The following ADGRB3 variants were observed in gnomAD, a reference collection of about 807,000 sequenced individuals.
The protein encoded by ADGRB3 is adhesion G protein-coupled receptor B3, also known as brain-specific angiogenesis inhibitor 3.
In ADGRB3, 37 loss-of-function variants were observed where a neutral mutation model predicts 193.4. The ratio of observed to expected loss-of-function variants is 0.19; its 90% confidence interval spans 0.15 to 0.25. The LOEUF (loss-of-function observed/expected upper bound fraction) is 0.25, where lower values mean the gene tolerates loss of function less well. Ranked by LOEUF, ADGRB3 falls within the 10% of genes least tolerant of loss-of-function variation. The probability of loss-of-function intolerance (pLI) is 1.00; values close to 1 mark genes in which losing one functional copy is unlikely to be tolerated. For synonymous variants in ADGRB3, 690 were observed against 644.2 expected, an observed-to-expected ratio of 1.07 and a Z score of -1.08; for missense variants, 1,637 against 1,852.9, an observed-to-expected ratio of 0.88 and a Z score of 2.14.
chr6:68,833,835 T>A (rs1284494311), intron 3 of ADGRB3, among the ~76,000 whole-genome samples: 2 of 151,906 alleles, frequency 1.3e-5, no homozygotes, highest in Admixed American at 6.6e-5. Context: ...CAAACAAATA[T>A]ATTTTTCTGG....
intron 24 of ADGRB3, 66 bp downstream of exon 24, chr6:69,333,074 A>G: frequency 6.6e-7 from 1 of 1,523,470 alleles, no homozygotes. Flanking sequence ...ATTTCAGACC[A>G]TCACTGACTG....
At chr6:69,257,181 C>T (rs1348329216) in intron 20 of ADGRB3, among the ~76,000 whole-genome samples, 1 of 152,176 alleles carries the variant, frequency 6.6e-6, no homozygotes, top group South Asian at 2.1e-4. Flanking sequence ...GGTTGTGTCT[C>T]TGCCCAGCTT....
intron 17 of ADGRB3, among the ~76,000 whole-genome samples, chr6:69,115,665 G>C (rs1021856094): frequency 6.6e-6 from 1 of 152,094 alleles, no homozygotes; most frequent in African/African-American, 2.4e-5. Flanking sequence ...AATTAAAATG[G>C]ATCATATACA....
intron 3 of ADGRB3, among the ~76,000 whole-genome samples, chr6:68,653,423 C>T (rs1768417809): frequency 6.6e-6 from 1 of 151,940 alleles, no homozygotes; most frequent in African/African-American, 2.4e-5. Context: ...TTCTGTAATC[C>T]AGATGTAATA....
intron 3 of ADGRB3, among the ~76,000 whole-genome samples, chr6:68,766,611 T>A (rs1766511593): frequency 6.6e-6 from 1 of 152,092 alleles, no homozygotes; most frequent in Non-Finnish European, 1.5e-5. Flanking sequence ...ACTTGATTTA[T>A]GTTTTCTTGA....
chr6:68,849,712 A>G (rs927475152), intron 3 of ADGRB3, among the ~76,000 whole-genome samples: 1 of 151,924 alleles, frequency 6.6e-6, no homozygotes, highest in Non-Finnish European at 1.5e-5. Flanking sequence ...TCTCTATGCA[A>G]ATATACAGAT....
intron 20 of ADGRB3, among the ~76,000 whole-genome samples, chr6:69,256,090 G>T (rs1012942999): frequency 2.6e-5 from 4 of 151,590 alleles, no homozygotes; most frequent in East Asian, 3.9e-4. Flanking sequence ...GTACCATGCT[G>T]TTTTGGTTAC....
At chr6:68,702,580 G>C (rs997507831) in intron 3 of ADGRB3, among the ~76,000 whole-genome samples, 2 of 152,090 alleles carry the variant, frequency 1.3e-5, no homozygotes, top group Non-Finnish European at 2.9e-5. Context: ...GATCAGTTTC[G>C]CTGCTCTACA....
intron 13 of ADGRB3, among the ~76,000 whole-genome samples, chr6:69,041,130 T>C (rs1771056268): frequency 1.3e-5 from 2 of 152,184 alleles, no homozygotes; most frequent in African/African-American, 4.8e-5. Context: ...TGGCTACATG[T>C]TACTCTCCAG....
chr6:68,975,214 C>T lies in ADGRB3; in HGVS notation c.1628-20C>T, dbSNP rs1332805019. The T allele has an allele frequency of 1.3e-6, 2 of 1,598,724 alleles. No homozygotes were observed. The highest frequency in any genetic ancestry group is 2.2e-5 in the South Asian group (2 of 90,736). On this transcript the variant is annotated intron_variant, in intron 9 of 31. Transcript: ENST00000370598. ...AACATCCCTATTATAAAGCTTCTCT[C>T]TGTTCTTTGTGACACACAGGCACCA...
chr6:69,175,789 T>C (rs1159651616), intron 17 of ADGRB3, among the ~76,000 whole-genome samples: 2 of 152,244 alleles, frequency 1.3e-5, no homozygotes, highest in African/African-American at 4.8e-5. Context: ...TTTTTCCATT[T>C]GTTTGTGTCA....
At chr6:68,859,955 A>G (rs1471854464) in intron 3 of ADGRB3, among the ~76,000 whole-genome samples, 1 of 152,202 alleles carries the variant, frequency 6.6e-6, no homozygotes, top group Non-Finnish European at 1.5e-5. Flanking sequence ...TAATTCATTT[A>G]AAAATAAAAT....
intron 3 of ADGRB3, among the ~76,000 whole-genome samples, chr6:68,920,733 T>G (rs1562086487): frequency 6.6e-6 from 1 of 151,624 alleles, no homozygotes; most frequent in South Asian, 2.1e-4. Context: ...CCATTCTCTG[T>G]GAAAGAATAT....
chr6:69,155,625 C>A (rs62406801), intron 17 of ADGRB3, among the ~76,000 whole-genome samples: 21,440 of 152,134 alleles, frequency 0.14, 1,567 homozygotes, highest in Middle Eastern at 0.16. Context: ...CCATTTATTA[C>A]TATCAATCCC....
At chr6:68,880,634 C>CA (rs1765707413) in intron 3 of ADGRB3, among the ~76,000 whole-genome samples, 2 of 152,018 alleles carry the variant, frequency 1.3e-5, no homozygotes, top group Non-Finnish European at 2.9e-5. Context: ...GGGGTTTGTA[C>CA]TTTATAAGGA....
intron 3 of ADGRB3, among the ~76,000 whole-genome samples, chr6:68,847,699 G>A (rs1294174820): frequency 1.3e-5 from 2 of 152,048 alleles, no homozygotes; most frequent in Admixed American, 6.6e-5. Context: ...TCCCAGTCTC[G>A]GGTATGTCTT....
intron 15 of ADGRB3, among the ~76,000 whole-genome samples, chr6:69,055,785 G>A (rs1582426809): frequency 6.6e-6 from 1 of 151,422 alleles, no homozygotes. Flanking sequence ...GTCAACATTT[G>A]TTATGTTGTT....
At chr6:69,123,201 C>T (rs1773766907) in intron 17 of ADGRB3, among the ~76,000 whole-genome samples, 1 of 152,012 alleles carries the variant, frequency 6.6e-6, no homozygotes, top group Non-Finnish European at 1.5e-5. Flanking sequence ...TGCAAAATTA[C>T]AAATTTACTA....
At chr6:68,875,127 T>C (rs61286028) in intron 3 of ADGRB3, among the ~76,000 whole-genome samples, 1 of 109,296 alleles carries the variant, frequency 9.1e-6, no homozygotes, top group African/African-American at 3.2e-5. Flanking sequence ...TCTTTCCTTC[T>C]TTCTTTCTTC....
Sources: gnomAD v4.1 joint callset for allele counts (sites outside exome capture counted in the v4.1 genomes callset) on GRCh38, gnomAD v4.1.1 for gene constraint, MANE v1.5 for transcripts, NCBI Gene and HGNC (gene_info 2026-07-23, HGNC 2026-07-21) for gene names.